TRAK1: variants seen among roughly 807,000 people sequenced by gnomAD.
TRAK1 encodes the protein trafficking kinesin-binding protein 1.
TRAK1 carries 33 observed loss-of-function variants against 92.1 expected under a neutral mutation model. That is an observed-to-expected ratio of 0.36 (90% CI 0.27 to 0.48). The LOEUF (loss-of-function observed/expected upper bound fraction) is 0.48. Ranked by LOEUF, TRAK1 falls within the 20% of genes least tolerant of loss-of-function variation. TRAK1 has a pLI of 0.99. For synonymous variants in TRAK1, 521 were observed against 517.3 expected (o/e 1.01, Z -0.10); for missense variants, 1,123 against 1,257.9 (o/e 0.89, Z 1.62).
rs11299003 is a variant in TRAK1 at position 42,199,456 on chromosome 3, AT to A, written c.1190+206del. Among the ~76,000 whole-genome samples, 1,021 of 152,152 alleles carry A rather than the reference AT, an allele frequency of 6.7e-3. 5 individuals carry two copies. Among genetic ancestry groups the A allele is most frequent in the African/African-American group, 0.022 (897 of 41,512 alleles). ...TTATCTTTTGTTAGTGTTAATTTTT[AT>A]TTATTTATTTTTTAGAGATGGGGTG... On this transcript the variant is annotated intron_variant, in intron 11 of 15. Coordinates refer to ENST00000327628, the MANE Select transcript of TRAK1 (RefSeq NM_001042646.3).
chr3:42,111,594 A>G (rs988055222), intron 1 of TRAK1, among the ~76,000 whole-genome samples: 4 of 151,954 alleles, frequency 2.6e-5, no homozygotes, highest in African/African-American at 9.7e-5. Flanking sequence ...ACGGGGTTTC[A>G]CTGTGTTAGC....
At chr3:42,196,961 C>A (rs565170115) in intron 10 of TRAK1, among the ~76,000 whole-genome samples, 1 of 134,916 alleles carries the variant, frequency 7.4e-6, no homozygotes, top group South Asian at 2.4e-4. Context: ...TTTCTCCTCT[C>A]TCTCTCTCTC....
At chr3:42,023,376 T>C (rs915977764) in intron 1 of TRAK1, among the ~76,000 whole-genome samples, 2 of 152,084 alleles carry the variant, frequency 1.3e-5, no homozygotes, top group African/African-American at 4.8e-5. Flanking sequence ...AGTCTGTAGA[T>C]GTTCCAAAGA....
Position 42,200,838 on chromosome 3 carries a change from A to G in TRAK1, c.1211A>G (p.Glu404Gly), listed in dbSNP as rs1259665410. ...PDITHQKRVF[E>G]TVRNINQVVK... is the part of the protein sequence containing the mutation. ...CCTAGTCACCAGAAGCGTGTCTTTG[A>G]GACAGTAAGAAACATCAACCAGGTT... The change falls in exon 12 of 16, where the codon GAG becomes GGG. Residue 404 changes from glutamate to glycine, a missense_variant. By Grantham distance (98) the Glu-to-Gly change is moderately conservative. Transcript: ENST00000327628. 6.2e-7 allele frequency: 1 copy of G among 1,614,114 alleles called. No individual in the cohort carries two copies. The highest frequency in any genetic ancestry group is 1.3e-5 in the African/African-American group (1 of 75,012).
intron 1 of TRAK1, among the ~76,000 whole-genome samples, chr3:42,048,686 T>G (rs1332991864): frequency 1.3e-5 from 2 of 151,794 alleles, no homozygotes; most frequent in Admixed American, 1.3e-4. Flanking sequence ...CTCAGCTTCC[T>G]GAGTAGCTGG....
intron 1 of TRAK1, among the ~76,000 whole-genome samples, chr3:42,066,501 G>A (rs1173612844): frequency 1.5e-5 from 2 of 131,286 alleles, no homozygotes; most frequent in African/African-American, 5.8e-5. Flanking sequence ...ACCCCAAGCA[G>A]CAAGGTCATG....
chr3:42,221,184 G>A (rs1274472182), intron 15 of TRAK1, among the ~76,000 whole-genome samples: 1 of 151,264 alleles, frequency 6.6e-6, no homozygotes, highest in Non-Finnish European at 1.5e-5. Context: ...CCTAGGGATG[G>A]CCACATCAAC....
chr3:42,108,492 TAAAA>T (rs10578367), intron 1 of TRAK1, among the ~76,000 whole-genome samples: 41 of 120,214 alleles, frequency 3.4e-4, no homozygotes, highest in Admixed American at 5.3e-4. Context: ...ACCCTGCCTT[TAAAA>T]AAAAAAAAAA....
intron 15 of TRAK1, chr3:42,220,417 T>C: frequency 9.8e-6 from 9 of 918,562 alleles, no homozygotes; most frequent in Non-Finnish European, 1.2e-5. Context: ...TGGTGTAAGA[T>C]GCTGGGTTGC....
chr3:42,091,356 C>G, upstream of TRAK1: 1 of 919,636 alleles, frequency 1.1e-6, no homozygotes, highest in South Asian at 1.6e-5. Flanking sequence ...CAAGCAAACT[C>G]AGAAAACTGC....
At chr3:42,083,610 C>CA (rs1342970394), upstream of TRAK1, among the ~76,000 whole-genome samples, 4 of 152,182 alleles carry the variant, frequency 2.6e-5, no homozygotes, top group Non-Finnish European at 5.9e-5. Flanking sequence ...TGCTGTGGCT[C>CA]ACACCTTTAA....
intron 2 of TRAK1, among the ~76,000 whole-genome samples, chr3:42,136,023 C>G (rs553967743): frequency 1.3e-5 from 2 of 152,300 alleles, no homozygotes; most frequent in East Asian, 3.9e-4. Flanking sequence ...TAGGTGCCTT[C>G]CCCTGTTCTC....
rs62257306 is a variant in TRAK1 at position 42,119,202 on chromosome 3, G to A, written c.92-6218G>A. On this transcript the variant is annotated intron_variant, in intron 1 of 15. Transcript: ENST00000327628. ...CAGAGAATACACTTCTAACATCGTA[G>A]TGAAGTCATTTATGTACTGAGAACT... 1.3e-3 allele frequency among the ~76,000 whole-genome samples: 203 copies of A among 152,326 alleles called. 1 individual carries two copies. Among genetic ancestry groups the A allele is most frequent in the African/African-American group, 4.3e-3 (177 of 41,576 alleles).
rs778274238 is a variant in TRAK1, at chr3:42,030,362, T to TA, written c.-519+16256dup. Reference sequence around the variant, plus strand: ...GTGAGACAAAGCGAGACCCTGTCTCTAAAAAAAAAAATATATATATATATA... The same window carrying TA: ...GTGAGACAAAGCGAGACCCTGTCTCTAAAAAAAAAAAATATATATATATATA... On this transcript the variant is annotated intron_variant, in intron 1 of 16. Transcript: ENST00000487159. 4.4e-3 allele frequency among the ~76,000 whole-genome samples: 571 copies of TA among 130,398 alleles called. 13 individuals are homozygous for TA. In the East Asian group the frequency reaches 0.049, roughly 11 times the overall value. The allele number at this position is 130,398 out of a possible 152,430, so 85.5% of individuals were successfully genotyped here. A position where few individuals can be genotyped will look rare whatever the true frequency, so the allele number is the denominator to read the frequency against.
chr3:42,183,604 C>G (rs1704357625), intron 3 of TRAK1, among the ~76,000 whole-genome samples: 1 of 150,604 alleles, frequency 6.6e-6, no homozygotes, highest in Admixed American at 6.6e-5. Flanking sequence ...TGTACTTTAT[C>G]CCTGTGAAGC....
intron 2 of TRAK1, among the ~76,000 whole-genome samples, chr3:42,165,673 G>A (rs1369478014): frequency 6.6e-6 from 1 of 152,190 alleles, no homozygotes; most frequent in Non-Finnish European, 1.5e-5. Context: ...GGCAGCACTC[G>A]AGGGTGCCGT....
chr3:42,209,733 T>C (rs1188183094), intron 13 of TRAK1, 34 bp from the exon 14 acceptor site: 1 of 1,595,526 alleles, frequency 6.3e-7, no homozygotes, highest in East Asian at 2.2e-5. Context: ...CTCTTCTCCT[T>C]GTCCCCCTTC....
intron 1 of TRAK1, among the ~76,000 whole-genome samples, chr3:42,055,854 C>A (rs368752294): frequency 6.6e-6 from 1 of 152,288 alleles, no homozygotes; most frequent in African/African-American, 2.4e-5. Flanking sequence ...ATCCTCTAGC[C>A]CCAGGCAACT....
Position 42,195,098 on chromosome 3 carries a change from G to T in TRAK1, c.1113+157G>T, listed in dbSNP as rs181034108. On this transcript the variant is annotated intron_variant, in intron 10 of 15. Coordinates refer to ENST00000327628, the MANE Select transcript of TRAK1 (RefSeq NM_001042646.3). ...GAATCAAGGACACTTGAATCTGACTGGTGGTTTCTTAACTACATAAGACAA... is the reference window on the plus strand; with the variant it reads ...GAATCAAGGACACTTGAATCTGACTTGTGGTTTCTTAACTACATAAGACAA... 5.4e-3 allele frequency among the ~76,000 whole-genome samples: 819 copies of T among 152,252 alleles called. 14 individuals carry two copies. The highest frequency in any genetic ancestry group is 0.019 in the African/African-American group (780 of 41,540).
Sources: allele counts gnomAD v4.1 joint callset (sites outside exome capture counted in the v4.1 genomes callset), GRCh38; gene constraint gnomAD v4.1.1; transcripts MANE v1.5; gene names NCBI Gene and HGNC (gene_info 2026-07-23, HGNC 2026-07-21).